SMAD1: variants seen among roughly 807,000 people sequenced by gnomAD.
SMAD1 encodes the protein SMAD family member 1.
Under a neutral mutation model 41.6 loss-of-function variants are expected in SMAD1, and 6 were observed. The observed-to-expected ratio is 0.14, with a 90% CI of 0.08 to 0.28. The LOEUF is 0.28. SMAD1 is among the 10% of genes least tolerant of loss of function. The probability of loss-of-function intolerance (pLI) is 1.00; values close to 1 mark genes in which losing one functional copy is unlikely to be tolerated. For missense variants in SMAD1, 379 were observed against 582.6 expected (o/e 0.65, Z 3.60); for synonymous variants, 206 against 203.2 (o/e 1.01, Z -0.12).
At chr4:145,496,545 G>T (rs11934722) in intron 1 of SMAD1, among the ~76,000 whole-genome samples, 17,318 of 152,110 alleles carry the variant, frequency 0.11, 3,035 homozygotes, top group African/African-American at 0.38. Flanking sequence ...TCGAACCGCA[G>T]GAGTCCACTT....
At chr4:145,487,606 G>A (rs1309776546) in intron 1 of SMAD1, among the ~76,000 whole-genome samples, 1 of 152,086 alleles carries the variant, frequency 6.6e-6, no homozygotes, top group Non-Finnish European at 1.5e-5. Context: ...AAAAATACCT[G>A]AAGTATTTTC....
chr4:145,496,704 G>A (rs1391673813), intron 1 of SMAD1, among the ~76,000 whole-genome samples: 2 of 152,074 alleles, frequency 1.3e-5, no homozygotes, highest in Non-Finnish European at 2.9e-5. Flanking sequence ...TTGGTATTGG[G>A]TGGTGGGGTC....
At chr4:145,518,380 T>C (rs1357088385) in intron 2 of SMAD1, among the ~76,000 whole-genome samples, 3 of 123,826 alleles carry the variant, frequency 2.4e-5, no homozygotes, top group Admixed American at 2.3e-4. Context: ...TCCCAGCTAC[T>C]CGGGAGGCTG....
intron 1 of SMAD1, among the ~76,000 whole-genome samples, chr4:145,493,824 C>G (rs1195344876): frequency 6.6e-6 from 1 of 152,166 alleles, no homozygotes; most frequent in African/African-American, 2.4e-5. Context: ...ATTTTCTGCC[C>G]TGAAGAAGCA....
chr4:145,552,605 C>A lies in SMAD1; in HGVS notation c.998-1179C>A, dbSNP rs548247400. Among the ~76,000 whole-genome samples, 16 of 152,286 alleles carry A rather than the reference C, an allele frequency of 1.1e-4. No homozygotes were observed. In the South Asian group the frequency reaches 3.3e-3, roughly 32 times the overall value. On this transcript the variant is annotated intron_variant, in intron 5 of 6. Transcript: ENST00000302085. ...TCAGTGAGATCTAATTTTACACACACAGTATGACTTTTCTAGTTTCATTTT... is the reference window on the plus strand; with the variant it reads ...TCAGTGAGATCTAATTTTACACACAAAGTATGACTTTTCTAGTTTCATTTT...
At chr4:145,533,102 G>T (rs1731413045) in intron 2 of SMAD1, among the ~76,000 whole-genome samples, 1 of 152,208 alleles carries the variant, frequency 6.6e-6, no homozygotes, top group African/African-American at 2.4e-5. Context: ...AGAGGCCTGG[G>T]CCTTGTTATT....
intron 1 of SMAD1, among the ~76,000 whole-genome samples, chr4:145,507,533 C>G (rs1729856897): frequency 6.6e-6 from 1 of 151,752 alleles, no homozygotes; most frequent in South Asian, 2.1e-4. Context: ...AAATAATGCT[C>G]TGATGAAAAT....
intron 2 of SMAD1, among the ~76,000 whole-genome samples, chr4:145,531,578 C>T (rs950610446): frequency 6.6e-6 from 1 of 152,160 alleles, no homozygotes; most frequent in African/African-American, 2.4e-5. Flanking sequence ...GCAGCATTCT[C>T]ATCCATCAGA....
intron 1 of SMAD1, among the ~76,000 whole-genome samples, chr4:145,489,978 AAG>A (rs1728688393): frequency 6.6e-6 from 1 of 152,220 alleles, no homozygotes; most frequent in Admixed American, 6.5e-5. Flanking sequence ...AAGCCACTGG[AAG>A]AGAGATTCTA....
chr4:145,507,409 G>A (rs771152418), intron 1 of SMAD1, among the ~76,000 whole-genome samples: 1 of 151,790 alleles, frequency 6.6e-6, no homozygotes, highest in African/African-American at 2.4e-5. Context: ...AAATTATTAC[G>A]TAGTCTTTAT....
In SMAD1 at chr4:145,517,495, T is replaced by A. The variant is rs577580234; in HGVS notation, c.400+2482T>A. On this transcript the variant is annotated intron_variant, in intron 2 of 6. Coordinates refer to ENST00000302085, the MANE Select transcript of SMAD1 (RefSeq NM_005900.3). Reference sequence around the variant, plus strand: ...TTCTTTAGAATGTTCTTCACACTTATAATGATTGTTCTGTTGGTCTTCTCT... The same window carrying A: ...TTCTTTAGAATGTTCTTCACACTTAAAATGATTGTTCTGTTGGTCTTCTCT... 2.6e-5 allele frequency among the ~76,000 whole-genome samples: 4 copies of A among 152,224 alleles called. No homozygotes were observed. The East Asian group carries it at 7.7e-4, about 29-fold the overall frequency.
At chr4:145,530,582 T>C (rs1731266060) in intron 2 of SMAD1, among the ~76,000 whole-genome samples, 1 of 152,228 alleles carries the variant, frequency 6.6e-6, no homozygotes, top group Non-Finnish European at 1.5e-5. Flanking sequence ...TGCTTTATGA[T>C]ATTGTTGAAT....
At chr4:145,516,001 T>C (rs1005998798) in intron 2 of SMAD1, among the ~76,000 whole-genome samples, 13 of 152,230 alleles carry the variant, frequency 8.5e-5, no homozygotes, top group African/African-American at 3.1e-4. Flanking sequence ...AGGCATTCTG[T>C]ATTTTTGTGG....
chr4:145,502,942 T>C (rs968377163), intron 1 of SMAD1: 1 of 152,234 alleles, frequency 6.6e-6, no homozygotes, highest in Non-Finnish European at 1.5e-5. Context: ...CTGGAGAGAC[T>C]GGAAGACTTG....
chr4:145,530,596 A>G (rs1731266373), intron 2 of SMAD1, among the ~76,000 whole-genome samples: 1 of 152,092 alleles, frequency 6.6e-6, no homozygotes, highest in African/African-American at 2.4e-5. Context: ...GTTGAATGAA[A>G]TTCATTTATC....
upstream of SMAD1, among the ~76,000 whole-genome samples, chr4:145,480,917 A>ATTT (rs5862738): frequency 1.6e-4 from 20 of 128,722 alleles, no homozygotes; most frequent in African/African-American, 5.1e-4. Flanking sequence ...GCTGGGAGTG[A>ATTT]TTTTTTTTTT....
At chr4:145,553,280 C>T (rs923983273) in intron 5 of SMAD1, among the ~76,000 whole-genome samples, 1 of 100,426 alleles carries the variant, frequency 1.0e-5, no homozygotes, top group Admixed American at 8.4e-5. Context: ...TTAAGTAATG[C>T]GGTTAACTAA....
intron 4 of SMAD1, among the ~76,000 whole-genome samples, chr4:145,543,828 A>G (rs1477263878): frequency 6.6e-6 from 1 of 152,204 alleles, no homozygotes; most frequent in African/African-American, 2.4e-5. Context: ...TTGCTGCTGC[A>G]CTCAACACAT....
intron 2 of SMAD1, among the ~76,000 whole-genome samples, chr4:145,515,288 G>A (rs533361452): frequency 9.2e-5 from 14 of 152,140 alleles, no homozygotes; most frequent in Admixed American, 4.6e-4. Flanking sequence ...TGTCATTGCA[G>A]TACTAATACC....
Sources: gnomAD v4.1 joint callset for allele counts (sites outside exome capture counted in the v4.1 genomes callset) on GRCh38, gnomAD v4.1.1 for gene constraint, MANE v1.5 for transcripts, NCBI Gene and HGNC (gene_info 2026-07-23, HGNC 2026-07-21) for gene names.